PRH1: variants seen among roughly 807,000 people sequenced by gnomAD.
PRH1 encodes the protein proline rich protein HaeIII subfamily 1.
In PRH1, 7 loss-of-function variants were observed where a neutral mutation model predicts 7.9. The ratio of observed to expected loss-of-function variants is 0.89; its 90% confidence interval spans 0.50 to 1.67. The LOEUF is 1.67. Among genes scored for constraint, PRH1 ranks in the 40% most tolerant of loss-of-function variants. The pLI, the probability that PRH1 is intolerant of heterozygous loss-of-function variation, is 0.00. For synonymous variants in PRH1, 45 were observed against 80.8 expected, an observed-to-expected ratio of 0.56 and a Z score of 2.38; for missense variants, 109 against 223.6, an observed-to-expected ratio of 0.49 and a Z score of 3.27.
chr12:11,035,987 G>C (rs1042507843), intron 1 of PRH1, among the ~76,000 whole-genome samples: 23 of 152,036 alleles, frequency 1.5e-4, no homozygotes, highest in Non-Finnish European at 2.5e-4. Flanking sequence ...TCTGTCCCCC[G>C]GGTTCACGCC....
At chr12:10,934,749 G>C (rs16925822) in intron 2 of PRH1, among the ~76,000 whole-genome samples, 2,988 of 152,156 alleles carry the variant, frequency 0.02, 33 homozygotes, top group South Asian at 0.031. Flanking sequence ...TCCAGATACT[G>C]TATGTTCTTA....
chr12:11,031,522 A>G, intron 1 of PRH1: 1 of 659,676 alleles, frequency 1.5e-6, no homozygotes, highest in Non-Finnish European at 2.4e-6. Flanking sequence ...AGAAGAGAGA[A>G]AGGACAAAGC....
At chr12:11,022,851 T>C (rs1009124829) in intron 1 of PRH1, among the ~76,000 whole-genome samples, 38 of 124,938 alleles carry the variant, frequency 3.0e-4, no homozygotes, top group African/African-American at 1.0e-3. Context: ...TTTTTTATAC[T>C]GAGGTTGAAG....
At chr12:11,111,229 T>A (rs1238221689) in intron 1 of PRH1, among the ~76,000 whole-genome samples, 1 of 152,104 alleles carries the variant, frequency 6.6e-6, no homozygotes, top group Non-Finnish European at 1.5e-5. Flanking sequence ...CCACAGTCAA[T>A]ATTAGACAGA....
intron 1 of PRH1, chr12:11,133,489 A>C (rs2599404): frequency 0.49 from 788,127 of 1,611,678 alleles, 198,980 homozygotes; most frequent in Non-Finnish European, 0.53. Context: ...CCAGCCTCCC[A>C]AAATTACAAA....
chr12:11,097,953 T>G lies in PRH1; in HGVS notation n.124-50765A>C, dbSNP rs1945110417. Among the ~76,000 whole-genome samples the G allele has an allele frequency of 2.8e-5, 2 of 71,646 alleles. 1 individual carries two copies. The highest frequency in any genetic ancestry group is 7.7e-5 in the Non-Finnish European group (2 of 25,834). 47.0% of individuals were successfully genotyped at this position (71,646 alleles called of 152,430 possible). On this transcript the variant is annotated intron_variant and non_coding_transcript_variant, in intron 1 of 4. Coordinates refer to the PRH1 transcript ENST00000541977. ...AGAATAATGTAAAACCAACATATTT[T>G]CAACGATTTATTTGCTTTTTTTTCT...
chr12:10,999,577 T>A (rs1287308648), intron 1 of PRH1, among the ~76,000 whole-genome samples: 1 of 152,136 alleles, frequency 6.6e-6, no homozygotes, highest in Admixed American at 6.6e-5. Context: ...AAGAGCAATG[T>A]ATCATAAACA....
chr12:11,043,274 C>T (rs1278623505), intron 1 of PRH1, among the ~76,000 whole-genome samples: 2 of 152,050 alleles, frequency 1.3e-5, no homozygotes, highest in African/African-American at 4.8e-5. Context: ...CCTCAGAAAT[C>T]TGAATATAGA....
At chr12:11,156,003 A>C (rs1174116371) in intron 1 of PRH1, among the ~76,000 whole-genome samples, 1 of 152,154 alleles carries the variant, frequency 6.6e-6, no homozygotes, top group Non-Finnish European at 1.5e-5. Context: ...TTTTAACACA[A>C]GATATTATTG....
intron 2 of PRH1, among the ~76,000 whole-genome samples, chr12:10,891,295 T>G (rs1350147365): frequency 6.6e-6 from 1 of 152,174 alleles, no homozygotes; most frequent in Non-Finnish European, 1.5e-5. Flanking sequence ...CTTTTCACCT[T>G]TCCACCAAAG....
intron 1 of PRH1, among the ~76,000 whole-genome samples, chr12:11,165,462 A>G (rs1197523080): frequency 1.3e-5 from 2 of 152,168 alleles, no homozygotes; most frequent in Non-Finnish European, 2.9e-5. Flanking sequence ...TAGCATTTTC[A>G]TTTGAGCTTC....
At chr12:11,030,965 C>T in intron 1 of PRH1, 3 of 1,614,286 alleles carry the variant, frequency 1.9e-6, no homozygotes, top group Non-Finnish European at 2.5e-6. Flanking sequence ...ACTCTTAACT[C>T]TCCTCTTTAA....
At chr12:10,887,352 T>C (rs572554953), upstream of PRH1, among the ~76,000 whole-genome samples, 1 of 152,276 alleles carries the variant, frequency 6.6e-6, no homozygotes, top group Admixed American at 6.5e-5. Flanking sequence ...ATTCTGATAA[T>C]ACAGTTAGCA....
chr12:10,995,237 T>C (rs1378282837), intron 1 of PRH1, among the ~76,000 whole-genome samples: 1 of 152,212 alleles, frequency 6.6e-6, no homozygotes, highest in Non-Finnish European at 1.5e-5. Context: ...ATACCTATTC[T>C]ATGTGCTATC....
intron 1 of PRH1, among the ~76,000 whole-genome samples, chr12:11,122,888 A>G (rs1317837552): frequency 6.6e-6 from 1 of 152,234 alleles, no homozygotes; most frequent in Non-Finnish European, 1.5e-5. Context: ...AGGGCGAGAC[A>G]TGGAACATTG....
rs1393785699 is a variant in PRH1, at chr12:10,908,566, A to G, written c.-58-24291T>C. 1.2e-6 allele frequency: 2 copies of G among 1,614,028 alleles called. No homozygotes were observed. Among genetic ancestry groups the G allele is most frequent in the Admixed American group, 3.3e-5 (2 of 59,954 alleles). On this transcript the variant is annotated intron_variant, in intron 2 of 3. Transcript: ENST00000539853. ...ATCCATGATATGAGAACACATAGAA[A>G]GAAACTAGCATAGAATAAAAGGAAT...
chr12:11,148,328 A>C (rs1816527133), intron 1 of PRH1, among the ~76,000 whole-genome samples: 1 of 151,880 alleles, frequency 6.6e-6, no homozygotes, highest in Non-Finnish European at 1.5e-5. Flanking sequence ...CACTATGTTG[A>C]ATAGGAGTGG....
chr12:11,059,740 T>G (rs888434061), intron 1 of PRH1, among the ~76,000 whole-genome samples: 3 of 152,220 alleles, frequency 2.0e-5, no homozygotes, highest in Non-Finnish European at 2.9e-5. Context: ...GCGGAAGGAT[T>G]CTGCTTGGAT....
rs545557786 is a variant in PRH1, at chr12:11,084,873, C to CA, written n.124-37686dup. On this transcript the variant is annotated intron_variant and non_coding_transcript_variant, in intron 1 of 4. Coordinates refer to the PRH1 transcript ENST00000541977. The stretch of plus-strand genomic sequence containing the variant: ...TGTTGCCCAGGCTGGAGTGCAGTGG[C>CA]ATGATCTTGGCTCACTGCAAGCTCT... Among the ~76,000 whole-genome samples, 711 of 112,396 alleles carry CA rather than the reference C, an allele frequency of 6.3e-3. 168 individuals are homozygous for CA. The highest frequency in any genetic ancestry group is 0.02 in the African/African-American group (681 of 33,428). The allele number at this position is 112,396 out of a possible 152,430, so 73.7% of individuals were successfully genotyped here.
Sources: allele counts gnomAD v4.1 joint callset (sites outside exome capture counted in the v4.1 genomes callset), GRCh38; gene constraint gnomAD v4.1.1; transcripts MANE v1.5; gene names NCBI Gene and HGNC (gene_info 2026-07-23, HGNC 2026-07-21).